Variants in MCTP1 observed in about 807,000 individuals in gnomAD.
MCTP1 encodes multiple C2 and transmembrane domain containing 1.
In MCTP1, 69 loss-of-function variants were observed where a neutral mutation model predicts 120.6. The ratio of observed to expected loss-of-function variants is 0.57; its 90% CI spans 0.47 to 0.70. The LOEUF (loss-of-function observed/expected upper bound fraction) is 0.70. Ranked by LOEUF, MCTP1 falls within the 30% of genes least tolerant of loss-of-function variation. MCTP1 has a pLI of 0.00. For missense variants in MCTP1, 1,203 were observed against 1,248.8 expected (o/e 0.96, Z 0.55); for synonymous variants, 529 against 493.1 (o/e 1.07, Z -0.96).
intron 1 of MCTP1, among the ~76,000 whole-genome samples, chr5:95,253,671 A>T (rs182315697): frequency 7.2e-5 from 11 of 152,280 alleles, no homozygotes; most frequent in Admixed American, 5.2e-4. Context: ...ATAGGTACAT[A>T]TGTAAGTAAG....
intron 1 of MCTP1, among the ~76,000 whole-genome samples, chr5:95,265,482 C>A (rs560051815): frequency 6.6e-6 from 1 of 152,346 alleles, no homozygotes; most frequent in African/African-American, 2.4e-5. Flanking sequence ...TGCCCTCTAA[C>A]AAAGCTCTTT....
intron 1 of MCTP1, among the ~76,000 whole-genome samples, chr5:95,267,885 G>A (rs1297480112): frequency 2.0e-5 from 3 of 152,196 alleles, no homozygotes; most frequent in African/African-American, 7.2e-5. Flanking sequence ...CCACTGCCCA[G>A]GCAATCTTCC....
At chr5:95,110,919 A>G (rs2152387943) in intron 1 of MCTP1, among the ~76,000 whole-genome samples, 1 of 152,300 alleles carries the variant, frequency 6.6e-6, no homozygotes, top group East Asian at 1.9e-4. Flanking sequence ...TTCAAGGATA[A>G]TTCCCTGGGA....
At chr5:94,900,650 C>A (rs1160009457) in intron 10 of MCTP1, among the ~76,000 whole-genome samples, 1 of 152,228 alleles carries the variant, frequency 6.6e-6, no homozygotes, top group Non-Finnish European at 1.5e-5. Context: ...CAGATCCTTA[C>A]TTCAGAATGA....
chr5:94,721,336 T>C (rs1429922216), intron 19 of MCTP1, among the ~76,000 whole-genome samples: 1 of 152,330 alleles, frequency 6.6e-6, no homozygotes, highest in East Asian at 1.9e-4. Context: ...TTGAGGCATC[T>C]GTGAAGAAAA....
chr5:94,807,064 G>A (rs141604918), intron 17 of MCTP1, among the ~76,000 whole-genome samples: 21 of 152,096 alleles, frequency 1.4e-4, no homozygotes, highest in Non-Finnish European at 1.8e-4. Flanking sequence ...ACCCCTTAAT[G>A]TTTTCCTGTA....
intron 17 of MCTP1, among the ~76,000 whole-genome samples, chr5:94,824,860 A>G (rs1324777101): frequency 6.6e-6 from 1 of 152,130 alleles, no homozygotes; most frequent in African/African-American, 2.4e-5. Context: ...GGTAGTTTGT[A>G]TTTCTGTGGG....
intron 10 of MCTP1, among the ~76,000 whole-genome samples, chr5:94,903,199 G>C (rs1485862464): frequency 6.6e-6 from 1 of 151,786 alleles, no homozygotes; most frequent in African/African-American, 2.4e-5. Flanking sequence ...CTTCAGTTTA[G>C]AATTTTCTGA....
rs201670134 is a variant in MCTP1, at chr5:95,125,684, G to GA, written c.721-108201dup. Among the ~76,000 whole-genome samples, 460 of 152,270 alleles carry GA rather than the reference G, an allele frequency of 3.0e-3. 2 individuals carry two copies. Among genetic ancestry groups the GA allele is most frequent in the African/African-American group, 0.011 (445 of 41,558 alleles). The stretch of plus-strand genomic sequence containing the variant: ...AGGAAATGAAAACCTTATGAGTACA[G>GA]AAATTGTGCCTTATTGACTGGTGTA... On this transcript the variant is annotated intron_variant, in intron 1 of 22. Coordinates refer to ENST00000515393, the MANE Select transcript of MCTP1 (RefSeq NM_024717.7).
At position 95,112,073 on chromosome 5, in the gene MCTP1, A is replaced by G. The variant is rs142340174; in HGVS notation, c.721-94589T>C. ...TTTAAAAGAAGTGCACACACGCTAT[A>G]TAACTATCCACTGGACTCCCATGTG... is the stretch of plus-strand genomic sequence containing the variant. On this transcript the variant is annotated intron_variant, in intron 1 of 22. Transcript: ENST00000515393. 4.8e-3 allele frequency among the ~76,000 whole-genome samples: 738 copies of G among 152,334 alleles called. 9 individuals carry two copies. The highest frequency in any genetic ancestry group is 0.017 in the African/African-American group (692 of 41,584).
chr5:95,091,100 C>T (rs1367133867), intron 1 of MCTP1, among the ~76,000 whole-genome samples: 2 of 152,124 alleles, frequency 1.3e-5, no homozygotes, highest in Admixed American at 6.5e-5. Context: ...TCCACACCTT[C>T]CCCCCAACCC....
intron 1 of MCTP1, among the ~76,000 whole-genome samples, chr5:95,245,314 A>T (rs1195151485): frequency 6.6e-6 from 1 of 152,214 alleles, no homozygotes; most frequent in Non-Finnish European, 1.5e-5. Context: ...ACAAAGCTGG[A>T]TGGAGAATGA....
At chr5:95,054,645 C>T (rs774058331) in intron 1 of MCTP1, among the ~76,000 whole-genome samples, 10 of 152,130 alleles carry the variant, frequency 6.6e-5, no homozygotes, top group Middle Eastern at 3.2e-3. Context: ...CAGTCAGTAA[C>T]TATAAACTGA....
At chr5:95,139,202 T>C (rs1759706551) in intron 1 of MCTP1, among the ~76,000 whole-genome samples, 1 of 152,182 alleles carries the variant, frequency 6.6e-6, no homozygotes, top group Non-Finnish European at 1.5e-5. Flanking sequence ...AGAAAATTAA[T>C]GGATGCATGC....
chr5:95,233,880 A>G (rs190127616), intron 1 of MCTP1, among the ~76,000 whole-genome samples: 65 of 152,274 alleles, frequency 4.3e-4, no homozygotes, highest in Admixed American at 2.2e-3. Context: ...AAAAAAGGAA[A>G]CAGCAAAGAG....
At chr5:95,070,982 T>C (rs762107552) in intron 1 of MCTP1, among the ~76,000 whole-genome samples, 9 of 152,202 alleles carry the variant, frequency 5.9e-5, no homozygotes, top group Middle Eastern at 3.4e-3. Flanking sequence ...TAGGGTACCA[T>C]GGGATGAACC....
At chr5:94,725,422 G>A (rs1188413714) in intron 19 of MCTP1, among the ~76,000 whole-genome samples, 1 of 152,172 alleles carries the variant, frequency 6.6e-6, no homozygotes, top group African/African-American at 2.4e-5. Context: ...CAGAAACACT[G>A]AGCTTGTTTC....
At chr5:95,194,334 G>GC (rs2152538046) in intron 1 of MCTP1, among the ~76,000 whole-genome samples, 1 of 152,280 alleles carries the variant, frequency 6.6e-6, no homozygotes, top group Non-Finnish European at 1.5e-5. Flanking sequence ...TCAAACCCAG[G>GC]CAGTTTGGCT....
chr5:94,764,037 G>C (rs955239268), intron 19 of MCTP1, among the ~76,000 whole-genome samples: 14 of 152,132 alleles, frequency 9.2e-5, no homozygotes, highest in Non-Finnish European at 1.6e-4. Context: ...GTCCATATGG[G>C]TTGGTTCCAT....
Sources: gnomAD v4.1 joint callset for allele counts (sites outside exome capture counted in the v4.1 genomes callset) on GRCh38, gnomAD v4.1.1 for gene constraint, MANE v1.5 for transcripts, NCBI Gene and HGNC (gene_info 2026-07-23, HGNC 2026-07-21) for gene names.